The following FRMD4A variants were observed in gnomAD, a reference collection of about 807,000 sequenced individuals.
The protein encoded by FRMD4A is FERM domain containing 4A.
In FRMD4A, 29 loss-of-function variants were observed where a neutral mutation model predicts 129.1. That is an observed-to-expected ratio of 0.22 (90% CI 0.17 to 0.31). The LOEUF is 0.31. Ranked by LOEUF, FRMD4A falls within the 10% of genes least tolerant of loss-of-function variation. The pLI, the probability that FRMD4A is intolerant of heterozygous loss-of-function variation, is 1.00. For missense variants in FRMD4A, 1,272 were observed against 1,375.8 expected (o/e 0.92, Z 1.19); for synonymous variants, 634 against 571.6 (o/e 1.11, Z -1.56).
At chr10:14,226,117 A>C (rs1388640460) in intron 2 of FRMD4A, among the ~76,000 whole-genome samples, 1 of 152,096 alleles carries the variant, frequency 6.6e-6, no homozygotes, top group African/African-American at 2.4e-5. Flanking sequence ...TGTTTTTTTT[A>C]AATTTTAAAA....
chr10:13,995,575 A>G (rs1020288235), intron 2 of FRMD4A, among the ~76,000 whole-genome samples: 1 of 152,124 alleles, frequency 6.6e-6, no homozygotes. Flanking sequence ...ACAGAGCAAG[A>G]CTCTGTCTCA....
chr10:13,879,126 A>C (rs983046174), intron 2 of FRMD4A, among the ~76,000 whole-genome samples: 1 of 152,158 alleles, frequency 6.6e-6, no homozygotes, highest in Non-Finnish European at 1.5e-5. Context: ...ATATATTAAT[A>C]AATCTATTTA....
At chr10:14,296,413 C>T (rs1392670019) in intron 2 of FRMD4A, among the ~76,000 whole-genome samples, 1 of 152,132 alleles carries the variant, frequency 6.6e-6, no homozygotes, top group African/African-American at 2.4e-5. Flanking sequence ...GCCCTCCTGC[C>T]CTTGCCTCTC....
In FRMD4A at chr10:13,710,740, T is replaced by C. The variant is rs938282754; in HGVS notation, c.760-3627A>G. On this transcript the variant is annotated intron_variant, in intron 12 of 24. Transcript: ENST00000357447. ...GAAGGGCCCAGGAATGGGCTGGGTA[T>C]GGTGGCTCATGCCTGGAATCCCAGC... 2 of 152,338 alleles carry C rather than the reference T, an allele frequency of 1.3e-5. 1 individual carries two copies. Among genetic ancestry groups the C allele is most frequent in the South Asian group, 4.1e-4 (2 of 4,830 alleles). 9.4% of individuals were successfully genotyped at this position (152,338 alleles called of 1,614,324 possible).
chr10:13,761,496 G>A, intron 8 of FRMD4A, 151 bp downstream of exon 8: 2 of 647,054 alleles, frequency 3.1e-6, no homozygotes, highest in South Asian at 2.0e-5. Context: ...TGATCTATCT[G>A]TTTCAGTGGA....
In FRMD4A at chr10:13,750,109, GAAGAAAGAAAGAAAGA is replaced by G. The variant is rs137911059; in HGVS notation, c.465-2306_465-2291del. Among the ~76,000 whole-genome samples, 502 of 73,618 alleles carry G rather than the reference GAAGAAAGAAAGAAAGA, an allele frequency of 6.8e-3. 3 individuals are homozygous for G. The highest frequency in any genetic ancestry group is 0.028 in the African/African-American group (481 of 17,180). 48.3% of individuals were successfully genotyped at this position (73,618 alleles called of 152,430 possible). On this transcript the variant is annotated intron_variant, in intron 8 of 24. Coordinates refer to ENST00000357447, the MANE Select transcript of FRMD4A (RefSeq NM_018027.5). Reference sequence around the variant, plus strand: ...GAAAGAAAGAAAGAAAGAAAGAAATGAAGAAAGAAAGAAAGAAAGAAAGAAAGAAAGAAAGAAAGAA... The same window carrying G: ...GAAAGAAAGAAAGAAAGAAAGAAATGAAGAAAGAAAGAAAGAAAGAAAGAA...
At chr10:13,779,981 C>A (rs1105872) in intron 6 of FRMD4A, among the ~76,000 whole-genome samples, 102,616 of 151,982 alleles carry the variant, frequency 0.68, 35,043 homozygotes, top group East Asian at 0.86. Context: ...TCATTGCATT[C>A]GTTATGTGCA....
At chr10:14,233,324 C>T (rs1175664629) in intron 2 of FRMD4A, among the ~76,000 whole-genome samples, 2 of 152,214 alleles carry the variant, frequency 1.3e-5, no homozygotes, top group Admixed American at 1.3e-4. Context: ...TATCCCAACA[C>T]TTTGGGAGGC....
intron 2 of FRMD4A, among the ~76,000 whole-genome samples, chr10:14,249,695 A>G (rs1291660740): frequency 6.6e-6 from 1 of 152,266 alleles, no homozygotes; most frequent in African/African-American, 2.4e-5. Flanking sequence ...TATTCATGAT[A>G]GCATTATTCT....
chr10:14,136,576 T>C (rs1268547887), intron 2 of FRMD4A, among the ~76,000 whole-genome samples: 1 of 152,094 alleles, frequency 6.6e-6, no homozygotes, highest in Non-Finnish European at 1.5e-5. Context: ...ATATGTAAAC[T>C]GTGTACTCAG....
chr10:14,279,788 A>G (rs371284168), intron 2 of FRMD4A, among the ~76,000 whole-genome samples: 15 of 152,224 alleles, frequency 9.9e-5, no homozygotes, highest in African/African-American at 3.1e-4. Context: ...AGGGCCCATC[A>G]TTCACTGCAT....
intron 2 of FRMD4A, among the ~76,000 whole-genome samples, chr10:14,064,040 T>A (rs1305671055): frequency 6.6e-6 from 1 of 152,132 alleles, no homozygotes; most frequent in Non-Finnish European, 1.5e-5. Flanking sequence ...GCTCCTTAAG[T>A]CAATACCAAG....
chr10:13,940,218 A>T (rs1425000504), intron 2 of FRMD4A, among the ~76,000 whole-genome samples: 1 of 152,064 alleles, frequency 6.6e-6, no homozygotes, highest in Non-Finnish European at 1.5e-5. Context: ...AGCAGCGTCA[A>T]CTGAGGCCAA....
At chr10:13,846,997 A>G (rs1184225881) in intron 3 of FRMD4A, among the ~76,000 whole-genome samples, 1 of 152,130 alleles carries the variant, frequency 6.6e-6, no homozygotes, top group Non-Finnish European at 1.5e-5. Flanking sequence ...TGGAGAGGAG[A>G]AGGAAAGTTG....
intron 12 of FRMD4A, among the ~76,000 whole-genome samples, chr10:13,716,150 C>G (rs1247505252): frequency 6.6e-6 from 1 of 152,006 alleles, no homozygotes; most frequent in East Asian, 1.9e-4. Context: ...CCCAGGGTCC[C>G]CATTCATTCG....
chr10:14,319,634 C>T (rs1265891953), intron 2 of FRMD4A, among the ~76,000 whole-genome samples: 1 of 152,170 alleles, frequency 6.6e-6, no homozygotes, highest in Non-Finnish European at 1.5e-5. Flanking sequence ...TGTCTTGCAT[C>T]ACAAGGTGAT....
At chr10:13,647,528 T>A (rs1589169962) in intron 24 of FRMD4A, 1 of 152,156 alleles carries the variant, frequency 6.6e-6, no homozygotes, top group African/African-American at 2.4e-5. Context: ...CAGATGTCAC[T>A]AGGAAATTTT....
chr10:13,907,854 A>G (rs960517412), intron 2 of FRMD4A, among the ~76,000 whole-genome samples: 4 of 48,000 alleles, frequency 8.3e-5, no homozygotes, highest in Non-Finnish European at 1.1e-4. Flanking sequence ...TAAATTTTAA[A>G]GTCACTTAAA....
chr10:13,962,646 C>T (rs1173055628), intron 2 of FRMD4A, among the ~76,000 whole-genome samples: 1 of 152,152 alleles, frequency 6.6e-6, no homozygotes, highest in South Asian at 2.1e-4. Context: ...GGCTGTTCTC[C>T]TTCCAGTGGG....
Sources: gnomAD v4.1 joint callset for allele counts (sites outside exome capture counted in the v4.1 genomes callset) on GRCh38, gnomAD v4.1.1 for gene constraint, MANE v1.5 for transcripts, NCBI Gene and HGNC (gene_info 2026-07-23, HGNC 2026-07-21) for gene names.